The following CENPP variants were observed in gnomAD, a reference collection of about 807,000 sequenced individuals.
CENPP encodes centromere protein P.
CENPP carries 24 observed loss-of-function variants against 35.6 expected under a neutral mutation model. The observed-to-expected ratio is 0.67, with a 90% CI of 0.49 to 0.95. CENPP has a LOEUF of 0.95. Ranked by LOEUF, CENPP falls within the 40% of genes least tolerant of loss-of-function variation. The probability of loss-of-function intolerance (pLI) is 0.00; values close to 1 mark genes in which losing one functional copy is unlikely to be tolerated. For synonymous variants in CENPP, 120 were observed against 125.5 expected, an observed-to-expected ratio of 0.96 and a Z score of 0.29; for missense variants, 332 against 345.3, an observed-to-expected ratio of 0.96 and a Z score of 0.31.
intron 5 of CENPP, among the ~76,000 whole-genome samples, chr9:92,516,288 C>T (rs1045263596): frequency 6.6e-6 from 1 of 152,152 alleles, no homozygotes; most frequent in Non-Finnish European, 1.5e-5. Flanking sequence ...TGGTCTCGAA[C>T]ACCTGACCTT....
chr9:92,354,707 C>A (rs1841545929), intron 4 of CENPP, among the ~76,000 whole-genome samples: 1 of 152,178 alleles, frequency 6.6e-6, no homozygotes. Flanking sequence ...GTTTAAAAGA[C>A]CTGTGTTTCT....
At chr9:92,528,288 CT>C (rs1309671842) in intron 5 of CENPP, among the ~76,000 whole-genome samples, 1 of 152,204 alleles carries the variant, frequency 6.6e-6, no homozygotes, top group Non-Finnish European at 1.5e-5. Context: ...GACCTGCTTA[CT>C]CCCTCAAGGG....
In CENPP at chr9:92,417,362, C is replaced by T. The variant is rs755953194; in HGVS notation, c.564+37503C>T. 4 of 1,614,016 alleles carry T rather than the reference C, an allele frequency of 2.5e-6. No homozygotes were observed. The South Asian group carries it at 3.3e-5, about 13-fold the overall frequency. Reference sequence around the variant, plus strand: ...TGATGGAAAGTTAGTTGGACAGAAGCATTCACTGACACAGCCTAAAGTATA... The same window carrying T: ...TGATGGAAAGTTAGTTGGACAGAAGTATTCACTGACACAGCCTAAAGTATA... On this transcript the variant is annotated intron_variant, in intron 5 of 7. Coordinates refer to ENST00000375587, the MANE Select transcript of CENPP (RefSeq NM_001012267.3).
chr9:92,491,002 T>C (rs1435067577), intron 5 of CENPP, among the ~76,000 whole-genome samples: 1 of 152,168 alleles, frequency 6.6e-6, no homozygotes, highest in African/African-American at 2.4e-5. Context: ...CAGTTTTGAC[T>C]GGGAGATAAA....
At chr9:92,343,142 A>G (rs1344606176) in intron 3 of CENPP, among the ~76,000 whole-genome samples, 1 of 152,230 alleles carries the variant, frequency 6.6e-6, no homozygotes, top group Non-Finnish European at 1.5e-5. Context: ...TATTAATATA[A>G]TATTTGAACT....
chr9:92,431,073 C>T (rs1390800952), intron 5 of CENPP, among the ~76,000 whole-genome samples: 2 of 152,010 alleles, frequency 1.3e-5, no homozygotes, highest in African/African-American at 2.4e-5. Flanking sequence ...GGATTACAGG[C>T]GTGAGCCACT....
intron 5 of CENPP, among the ~76,000 whole-genome samples, chr9:92,440,837 A>T (rs144613902): frequency 7.2e-4 from 109 of 152,308 alleles, no homozygotes; most frequent in African/African-American, 2.6e-3. Flanking sequence ...ATGTCTTGAA[A>T]CATATCCCCC....
In CENPP at chr9:92,423,326, A is replaced by G. The variant is rs529481086; in HGVS notation, c.564+43467A>G. Among the ~76,000 whole-genome samples the G allele has an allele frequency of 2.6e-5, 4 of 152,288 alleles. No homozygotes were observed. In the South Asian group the frequency reaches 8.3e-4, roughly 32 times the overall value. ...TTATAGCAATAAAACCATCTGTGTC[A>G]TAATATTTCTCTTACTTGGAGAAAA... On this transcript the variant is annotated intron_variant, in intron 5 of 7. Transcript: ENST00000375587.
At chr9:92,417,523 GA>G (rs1564310433) in intron 5 of CENPP, 1 of 1,604,562 alleles carries the variant, frequency 6.2e-7, no homozygotes, top group Admixed American at 1.7e-5. Flanking sequence ...CTCCAAAAAA[GA>G]AGAAAATAAC....
chr9:92,454,849 A>T (rs1373439977), intron 5 of CENPP, among the ~76,000 whole-genome samples: 1 of 152,210 alleles, frequency 6.6e-6, no homozygotes, highest in Non-Finnish European at 1.5e-5. Context: ...TGGTTCTAGC[A>T]CTACTGGTGG....
At chr9:92,610,130 A>C (rs1588317535) in intron 5 of CENPP, among the ~76,000 whole-genome samples, 1 of 152,196 alleles carries the variant, frequency 6.6e-6, no homozygotes, top group Non-Finnish European at 1.5e-5. Context: ...ATCTCAGCTC[A>C]CTGCAACCTC....
intron 5 of CENPP, chr9:92,414,110 C>T (rs1181512172): frequency 6.1e-6 from 1 of 163,268 alleles, no homozygotes; most frequent in Non-Finnish European, 1.3e-5. Flanking sequence ...GGCACACTTA[C>T]AATACTTAAA....
intron 5 of CENPP, among the ~76,000 whole-genome samples, chr9:92,447,096 C>T (rs919610398): frequency 3.3e-5 from 5 of 151,956 alleles, no homozygotes; most frequent in African/African-American, 1.2e-4. Context: ...CATAGTGTAG[C>T]GGACCCCAGA....
At chr9:92,511,890 CTT>C in intron 5 of CENPP, 1 of 662,288 alleles carries the variant, frequency 1.5e-6, no homozygotes, top group South Asian at 2.2e-5. Context: ...AGAGAGGAAA[CTT>C]TCTTAGAAGA....
In CENPP at chr9:92,551,951, ATG is replaced by A. The variant is rs1491229337; in HGVS notation, c.565-59362_565-59361del. On this transcript the variant is annotated intron_variant, in intron 5 of 7. Coordinates refer to ENST00000375587, the MANE Select transcript of CENPP (RefSeq NM_001012267.3). ...TATATATATATATATATATATATATATGATATATATATGTGTGATATATATGT... is the reference window on the plus strand; with the variant it reads ...TATATATATATATATATATATATATAATATATATATGTGTGATATATATGT... Among the ~76,000 whole-genome samples, 46 of 117,394 alleles carry A rather than the reference ATG, an allele frequency of 3.9e-4. 2 individuals carry two copies. The highest frequency in any genetic ancestry group is 8.7e-4 in the African/African-American group (21 of 24,226). 77.0% of individuals were successfully genotyped at this position (117,394 alleles called of 152,430 possible).
chr9:92,348,509 C>T (rs1022151440), intron 4 of CENPP, among the ~76,000 whole-genome samples: 1 of 151,896 alleles, frequency 6.6e-6, no homozygotes, highest in African/African-American at 2.4e-5. Context: ...TTTCCTGCCT[C>T]AGCCTCCCAA....
intron 5 of CENPP, among the ~76,000 whole-genome samples, chr9:92,604,794 A>G (rs1484211726): frequency 3.3e-5 from 5 of 151,960 alleles, no homozygotes; most frequent in Admixed American, 2.6e-4. Flanking sequence ...GGGTTTTACT[A>G]TGTTGGCCAG....
chr9:92,559,151 C>T (rs924942778), intron 5 of CENPP, among the ~76,000 whole-genome samples: 6 of 152,174 alleles, frequency 3.9e-5, no homozygotes, highest in African/African-American at 1.2e-4. Flanking sequence ...CTTCTTGTCC[C>T]GTTCAAATTG....
intron 5 of CENPP, among the ~76,000 whole-genome samples, chr9:92,478,819 C>T (rs998556672): frequency 3.3e-5 from 5 of 151,490 alleles, no homozygotes; most frequent in African/African-American, 9.7e-5. Context: ...CAGTCTGGAC[C>T]GGAAAAACCT....
Sources: allele counts gnomAD v4.1 joint callset (sites outside exome capture counted in the v4.1 genomes callset), GRCh38; gene constraint gnomAD v4.1.1; transcripts MANE v1.5; gene names NCBI Gene and HGNC (gene_info 2026-07-23, HGNC 2026-07-21).